The following CDH18 variants were observed in gnomAD, a reference collection of about 807,000 sequenced individuals.
CDH18 encodes the protein cadherin-18.
In CDH18, 31 loss-of-function variants were observed where a neutral mutation model predicts 67.9. The observed-to-expected ratio is 0.46, with a 90% confidence interval of 0.34 to 0.62. The LOEUF is 0.62. CDH18 is among the 20% of genes least tolerant of loss of function. CDH18 has a pLI of 0.01. For synonymous variants in CDH18, 362 were observed against 347.2 expected (o/e 1.04, Z -0.48); for missense variants, 890 against 975.5 (o/e 0.91, Z 1.17).
intron 2 of CDH18, among the ~76,000 whole-genome samples, chr5:20,003,864 T>C (rs1370529667): frequency 1.3e-5 from 2 of 152,156 alleles, no homozygotes; most frequent in African/African-American, 4.8e-5. Context: ...GCCACTGCAC[T>C]CCAGCCTGGT....
intron 2 of CDH18, among the ~76,000 whole-genome samples, chr5:20,179,499 A>G (rs530755011): frequency 6.6e-6 from 1 of 152,302 alleles, no homozygotes; most frequent in Admixed American, 6.5e-5. Flanking sequence ...CGGAAAAGCA[A>G]AAACTGACTA....
At chr5:19,607,902 T>C (rs560611759) in intron 6 of CDH18, among the ~76,000 whole-genome samples, 1 of 151,678 alleles carries the variant, frequency 6.6e-6, no homozygotes. Flanking sequence ...TGGAGTATTA[T>C]TAGAACTATA....
chr5:20,081,691 G>A (rs1003551426), intron 2 of CDH18, among the ~76,000 whole-genome samples: 1 of 152,024 alleles, frequency 6.6e-6, no homozygotes, highest in African/African-American at 2.4e-5. Context: ...ACTAACACAC[G>A]AATAGAAAAC....
At chr5:19,602,466 C>A (rs1441835858) in intron 6 of CDH18, among the ~76,000 whole-genome samples, 2 of 151,854 alleles carry the variant, frequency 1.3e-5, no homozygotes, top group Non-Finnish European at 2.9e-5. Flanking sequence ...GCAAAACACA[C>A]ACACACACAC....
At chr5:19,578,599 A>G (rs1490318138) in intron 7 of CDH18, among the ~76,000 whole-genome samples, 1 of 151,228 alleles carries the variant, frequency 6.6e-6, no homozygotes, top group Non-Finnish European at 1.5e-5. Flanking sequence ...TTTGTTTACT[A>G]TTCTTTATTC....
chr5:20,272,550 G>GT (rs35476631), intron 1 of CDH18, among the ~76,000 whole-genome samples: 12 of 151,448 alleles, frequency 7.9e-5, no homozygotes, highest in East Asian at 1.9e-4. Flanking sequence ...GCAAGTTCCT[G>GT]TTTTTTTTGG....
chr5:19,792,703 C>T (rs1275981996), intron 3 of CDH18, among the ~76,000 whole-genome samples: 1 of 152,064 alleles, frequency 6.6e-6, no homozygotes, highest in Non-Finnish European at 1.5e-5. Flanking sequence ...ATCTGACCCA[C>T]TAATGAATGA....
chr5:19,783,545 T>C (rs548669510), intron 3 of CDH18, among the ~76,000 whole-genome samples: 1 of 152,162 alleles, frequency 6.6e-6, no homozygotes, highest in African/African-American at 2.4e-5. Flanking sequence ...TATTCTAAAC[T>C]TATTTCAACC....
intron 2 of CDH18, among the ~76,000 whole-genome samples, chr5:19,923,537 C>A (rs1042613691): frequency 1.3e-5 from 2 of 152,126 alleles, no homozygotes; most frequent in Non-Finnish European, 2.9e-5. Context: ...TCCAATTTCA[C>A]ATGTGTAGCA....
chr5:19,934,018 C>G (rs535273753), intron 2 of CDH18, among the ~76,000 whole-genome samples: 6 of 151,498 alleles, frequency 4.0e-5, no homozygotes, highest in Admixed American at 1.3e-4. Flanking sequence ...TTTTAATATT[C>G]TTCATTCCAG....
intron 1 of CDH18, among the ~76,000 whole-genome samples, chr5:20,459,378 A>G (rs12513430): frequency 0.49 from 74,207 of 151,996 alleles, 18,468 homozygotes; most frequent in Non-Finnish European, 0.52. Flanking sequence ...CCAAAGCCAT[A>G]TTACAGGGAC....
At chr5:20,552,888 G>A (rs142640728) in intron 1 of CDH18, among the ~76,000 whole-genome samples, 11 of 152,076 alleles carry the variant, frequency 7.2e-5, no homozygotes, top group East Asian at 5.8e-4. Context: ...CTGAGTAGCC[G>A]AGACTACAGG....
intron 1 of CDH18, among the ~76,000 whole-genome samples, chr5:20,548,196 A>G (rs1049083902): frequency 3.7e-4 from 55 of 150,126 alleles, no homozygotes; most frequent in African/African-American, 1.2e-3. Context: ...ATATTAAAAT[A>G]TTTTATAATA....
At chr5:20,414,136 AT>A (rs1324171135) in intron 1 of CDH18, among the ~76,000 whole-genome samples, 1 of 152,176 alleles carries the variant, frequency 6.6e-6, no homozygotes, top group African/African-American at 2.4e-5. Context: ...CAGTTTGGAA[AT>A]TTCTTAATGA....
At chr5:20,367,093 G>A (rs1742578112) in intron 1 of CDH18, among the ~76,000 whole-genome samples, 1 of 152,090 alleles carries the variant, frequency 6.6e-6, no homozygotes, top group South Asian at 2.1e-4. Context: ...CTTGAGATTA[G>A]CCCGACAGCT....
At chr5:19,864,312 G>A in intron 2 of CDH18, among the ~76,000 whole-genome samples, 1 of 148,100 alleles carries the variant, frequency 6.8e-6, no homozygotes. Flanking sequence ...CTCACTCATA[G>A]GTGGGAATTG....
At chr5:19,474,286 A>T (rs2126501691) in intron 12 of CDH18, among the ~76,000 whole-genome samples, 1 of 152,260 alleles carries the variant, frequency 6.6e-6, no homozygotes, top group Middle Eastern at 3.4e-3. Flanking sequence ...TCATGCATTA[A>T]TAATTGCATT....
At chr5:20,022,342 A>T (rs1171295437) in intron 2 of CDH18, among the ~76,000 whole-genome samples, 1 of 152,240 alleles carries the variant, frequency 6.6e-6, no homozygotes, top group East Asian at 1.9e-4. Context: ...AAGGATTATG[A>T]AATACATTGC....
rs192863022 is a variant in CDH18 at position 20,219,700 on chromosome 5, A to C, written c.-518+35744T>G. ...ATATATGCAAATCAATCAATGTGAT[A>C]TATGGTATGAACAGAATGAAAAACA... is the stretch of plus-strand genomic sequence containing the variant. On this transcript the variant is annotated intron_variant, in intron 2 of 14. Transcript: ENST00000507958. 2.0e-3 allele frequency among the ~76,000 whole-genome samples: 310 copies of C among 152,096 alleles called. 1 individual carries two copies. The highest frequency in any genetic ancestry group is 7.0e-3 in the African/African-American group (289 of 41,550).
Sources: allele counts gnomAD v4.1 joint callset (sites outside exome capture counted in the v4.1 genomes callset), GRCh38; gene constraint gnomAD v4.1.1; transcripts MANE v1.5; gene names NCBI Gene and HGNC (gene_info 2026-07-23, HGNC 2026-07-21).